The following PTPRD variants were observed in gnomAD, a reference collection of about 807,000 sequenced individuals.
The protein encoded by PTPRD is protein tyrosine phosphatase receptor type D.
PTPRD carries 34 observed loss-of-function variants against 214.5 expected under a neutral mutation model. The ratio of observed to expected loss-of-function variants is 0.16; its 90% CI spans 0.12 to 0.21. The LOEUF (loss-of-function observed/expected upper bound fraction) is 0.21, where lower values mean the gene tolerates loss of function less well. Ranked by LOEUF, PTPRD falls within the 10% of genes least tolerant of loss-of-function variation. The pLI, the probability that PTPRD is intolerant of heterozygous loss-of-function variation, is 1.00. For missense variants in PTPRD, 2,545 were observed against 2,398.7 expected, an observed-to-expected ratio of 1.06 and a Z score of -1.27; for synonymous variants, 1,128 against 845.7, an observed-to-expected ratio of 1.33 and a Z score of -5.79.
intron 8 of PTPRD, among the ~76,000 whole-genome samples, chr9:9,438,088 T>G (rs1444166881): frequency 3.3e-5 from 5 of 152,194 alleles, no homozygotes; most frequent in Admixed American, 3.3e-4. Context: ...CTCTGTATCC[T>G]AATGTCCTCT....
At position 9,211,029 on chromosome 9, in the gene PTPRD, A is replaced by C. The variant is rs180678097; in HGVS notation, c.-202-27666T>G. Reference sequence around the variant, plus strand: ...CATAGTTCCTTAATAATGTTTGCTTAAAGAGCATTTGTTTTTGTCCTTGCA... The same window carrying C: ...CATAGTTCCTTAATAATGTTTGCTTCAAGAGCATTTGTTTTTGTCCTTGCA... On this transcript the variant is annotated intron_variant, in intron 9 of 45. Transcript: ENST00000381196. Among the ~76,000 whole-genome samples, 5 of 152,206 alleles carry C rather than the reference A, an allele frequency of 3.3e-5. No individual in the cohort carries two copies. The East Asian group carries it at 9.7e-4, about 29-fold the overall frequency.
intron 12 of PTPRD, among the ~76,000 whole-genome samples, chr9:8,669,520 T>G (rs2097237128): frequency 6.6e-6 from 1 of 152,088 alleles, no homozygotes; most frequent in Non-Finnish European, 1.5e-5. Context: ...CCTAGTATTT[T>G]CCATTCTCCC....
intron 10 of PTPRD, among the ~76,000 whole-genome samples, chr9:9,106,738 A>G (rs1227150231): frequency 2.0e-5 from 3 of 151,958 alleles, no homozygotes; most frequent in African/African-American, 7.2e-5. Flanking sequence ...TTAAATGCTC[A>G]TTTAAAAAAT....
At chr9:9,906,236 A>G (rs2077534560) in intron 5 of PTPRD, among the ~76,000 whole-genome samples, 1 of 152,004 alleles carries the variant, frequency 6.6e-6, no homozygotes, top group Admixed American at 6.6e-5. Context: ...TTGTTATAAA[A>G]TATTAAGGAA....
At chr9:9,571,184 T>C (rs551287566) in intron 8 of PTPRD, among the ~76,000 whole-genome samples, 2 of 151,516 alleles carry the variant, frequency 1.3e-5, no homozygotes, top group African/African-American at 4.8e-5. Context: ...TATGTTTGCA[T>C]AACTGATACA....
At chr9:10,432,729 A>G (rs1195585232) in intron 2 of PTPRD, among the ~76,000 whole-genome samples, 1 of 152,022 alleles carries the variant, frequency 6.6e-6, no homozygotes, top group Non-Finnish European at 1.5e-5. Context: ...TTATAATGCT[A>G]TATGAGGTTC....
intron 3 of PTPRD, among the ~76,000 whole-genome samples, chr9:10,217,376 C>A (rs1286482356): frequency 6.6e-6 from 1 of 151,742 alleles, no homozygotes; most frequent in Non-Finnish European, 1.5e-5. Flanking sequence ...ACTCAGCCTC[C>A]CCCTCCTCCA....
chr9:9,331,371 T>G (rs961988007), intron 9 of PTPRD, among the ~76,000 whole-genome samples: 1 of 152,126 alleles, frequency 6.6e-6, no homozygotes, highest in Non-Finnish European at 1.5e-5. Flanking sequence ...GGCTCATTCT[T>G]TCTCGGGATA....
At position 8,668,464 on chromosome 9, in the gene PTPRD, G is replaced by A. The variant is rs113511388; in HGVS notation, c.65-31620C>T. On this transcript the variant is annotated intron_variant, in intron 12 of 45. Transcript: ENST00000381196. ...TGCTTCCTCTTTCAGGCAACTGCAA[G>A]ATTAAGCCAAACTGTATGGCAAAGC... is the stretch of plus-strand genomic sequence containing the variant. Among the ~76,000 whole-genome samples the A allele has an allele frequency of 7.8e-3, 1,182 of 152,238 alleles. 11 individuals are homozygous for A. Among genetic ancestry groups the A allele is most frequent in the African/African-American group, 0.027 (1,110 of 41,532 alleles).
At chr9:10,488,366 CAAA>C (rs59842348) in intron 2 of PTPRD, among the ~76,000 whole-genome samples, 6 of 68,414 alleles carry the variant, frequency 8.8e-5, no homozygotes, top group Non-Finnish European at 1.2e-4. Context: ...GACTCTGTCT[CAAA>C]AAAAAAAAAA....
intron 4 of PTPRD, among the ~76,000 whole-genome samples, chr9:9,959,996 G>T (rs1012471564): frequency 2.0e-5 from 3 of 152,082 alleles, no homozygotes; most frequent in Non-Finnish European, 1.5e-5. Context: ...GGGCCTAGAA[G>T]AAATGGCAGA....
At chr9:10,204,118 C>T (rs1288019892) in intron 3 of PTPRD, among the ~76,000 whole-genome samples, 1 of 152,068 alleles carries the variant, frequency 6.6e-6, no homozygotes, top group Non-Finnish European at 1.5e-5. Context: ...CTCCTGGTAA[C>T]CTCTCCATGC....
intron 14 of PTPRD, among the ~76,000 whole-genome samples, chr9:8,611,480 G>A (rs780698029): frequency 1.3e-5 from 2 of 152,106 alleles, no homozygotes; most frequent in Admixed American, 1.3e-4. Context: ...TGAGGAAGGT[G>A]AATTGCTTGA....
chr9:10,015,002 C>A (rs2096673663), intron 4 of PTPRD, among the ~76,000 whole-genome samples: 1 of 152,070 alleles, frequency 6.6e-6, no homozygotes, highest in South Asian at 2.1e-4. Flanking sequence ...AGCCACATGG[C>A]ATCCACTAGA....
intron 11 of PTPRD, among the ~76,000 whole-genome samples, chr9:8,735,932 G>T (rs10977269): frequency 0.061 from 8,601 of 140,848 alleles, 391 homozygotes; most frequent in Non-Finnish European, 0.095. Flanking sequence ...AAAAAAAGAA[G>T]ATTCAGACTT....
chr9:9,311,760 G>A (rs1008643282), intron 9 of PTPRD, among the ~76,000 whole-genome samples: 2 of 152,110 alleles, frequency 1.3e-5, no homozygotes, highest in Non-Finnish European at 2.9e-5. Context: ...ATAGAATACA[G>A]AATCACTCTC....
chr9:8,478,059 C>T (rs569962038), intron 30 of PTPRD, among the ~76,000 whole-genome samples: 4 of 152,140 alleles, frequency 2.6e-5, no homozygotes, highest in South Asian at 2.1e-4. Context: ...GCCCTCTGTT[C>T]GTATTAACCA....
rs560576743 is a variant in PTPRD, at chr9:9,018,028, T to G, written c.-104+669A>C. Among the ~76,000 whole-genome samples, 5 of 152,292 alleles carry G rather than the reference T, an allele frequency of 3.3e-5. 1 individual carries two copies. The South Asian group carries it at 1.0e-3, about 32-fold the overall frequency. On this transcript the variant is annotated intron_variant, in intron 11 of 45. Transcript: ENST00000381196. ...GTATATGTAATCTATTTGTTTACTC[T>G]ATTTGTTTATTTTTATTTTTTGAAG...
At chr9:8,355,153 T>C (rs920406930) in intron 39 of PTPRD, among the ~76,000 whole-genome samples, 1 of 152,058 alleles carries the variant, frequency 6.6e-6, no homozygotes, top group African/African-American at 2.4e-5. Context: ...ATATTGAGTT[T>C]ACATGAGAAC....
Sources: allele counts gnomAD v4.1 joint callset (sites outside exome capture counted in the v4.1 genomes callset), GRCh38; gene constraint gnomAD v4.1.1; transcripts MANE v1.5; gene names NCBI Gene and HGNC (gene_info 2026-07-23, HGNC 2026-07-21).